The following INTS2 variants were observed in gnomAD, a reference collection of about 807,000 sequenced individuals.
INTS2 encodes the protein integrator complex subunit 2, also known as KIAA1287.
INTS2 carries 57 observed loss-of-function variants against 139.6 expected under a neutral mutation model. The ratio of observed to expected loss-of-function variants is 0.41; its 90% CI spans 0.33 to 0.51. The LOEUF (loss-of-function observed/expected upper bound fraction) is 0.51, where lower values mean the gene tolerates loss of function less well. Among genes scored for constraint, INTS2 ranks in the 20% least tolerant of loss-of-function variants. INTS2 has a pLI of 0.28. For synonymous variants in INTS2, 473 were observed against 493.4 expected (o/e 0.96, Z 0.55); for missense variants, 1,196 against 1,436.7 (o/e 0.83, Z 2.71).
At chr17:61,917,657 A>C (rs1603383189) in intron 5 of INTS2, among the ~76,000 whole-genome samples, 2 of 152,160 alleles carry the variant, frequency 1.3e-5, no homozygotes, top group South Asian at 4.1e-4. Context: ...AAGGGCTGAG[A>C]AACTACCTAT....
chr17:61,899,796 C>G (rs2079386245), intron 9 of INTS2, among the ~76,000 whole-genome samples: 1 of 151,504 alleles, frequency 6.6e-6, no homozygotes, highest in Non-Finnish European at 1.5e-5. Flanking sequence ...TTTGTAGTCC[C>G]AGCTACACGG....
At chr17:61,914,241 G>A (rs1347474139) in intron 5 of INTS2, among the ~76,000 whole-genome samples, 1 of 152,114 alleles carries the variant, frequency 6.6e-6, no homozygotes, top group Non-Finnish European at 1.5e-5. Flanking sequence ...TTCAGACAAA[G>A]TAGACTTGAA....
intron 7 of INTS2, 131 bp from the exon 8 acceptor site, chr17:61,907,765 A>C: frequency 1.5e-6 from 1 of 669,856 alleles, no homozygotes; most frequent in Non-Finnish European, 2.5e-6. Context: ...TGACTACAGA[A>C]TCTCATTTTA....
chr17:61,905,175 A>G (rs1207793612), intron 8 of INTS2, among the ~76,000 whole-genome samples: 1 of 151,978 alleles, frequency 6.6e-6, no homozygotes, highest in East Asian at 1.9e-4. Flanking sequence ...TCCTGGGCTC[A>G]AAAAATCCAC....
chr17:61,904,414 TA>T (rs753119608), intron 9 of INTS2, 45 bp downstream of exon 9: 1 of 1,394,704 alleles, frequency 7.2e-7, no homozygotes, highest in East Asian at 2.3e-5. Context: ...ATTGAGTAAA[TA>T]AAAGTAAACC....
rs8080599 is a variant in INTS2, at chr17:61,882,228, C to T, written c.2090-1057G>A. On this transcript the variant is annotated intron_variant, in intron 16 of 24. Coordinates refer to ENST00000251334, the MANE Select transcript of INTS2 (RefSeq NM_001351695.2). The surrounding 1 kb of genome is among the most constrained non-coding windows in gnomAD (Gnocchi z 4.7). Reference sequence around the variant, plus strand: ...AACAATGCTGAAAGACATTTATTAACATTAACAACCCTAAAGTCACACAGT... The same window carrying T: ...AACAATGCTGAAAGACATTTATTAATATTAACAACCCTAAAGTCACACAGT... Among the ~76,000 whole-genome samples, 25,530 of 152,140 alleles carry T rather than the reference C, an allele frequency of 0.17. 2,538 individuals are homozygous for T. Among genetic ancestry groups the T allele is most frequent in the East Asian group, 0.53 (2,726 of 5,174 alleles).
intron 12 of INTS2, among the ~76,000 whole-genome samples, chr17:61,894,839 T>TTA (rs1555623327): frequency 0.096 from 13,448 of 140,690 alleles, 2,016 homozygotes; most frequent in African/African-American, 0.32. Context: ...CAAAGTGAGA[T>TTA]AAAAAAAAAA....
At position 61,869,230 on chromosome 17, in the gene INTS2, G is replaced by T; in HGVS notation, c.3138+43C>A. The T allele has an allele frequency of 6.8e-7, 1 of 1,465,958 alleles. No individual in the cohort carries two copies. Among genetic ancestry groups the T allele is most frequent in the Non-Finnish European group, 9.5e-7 (1 of 1,053,992 alleles). 90.8% of individuals were successfully genotyped at this position (1,465,958 alleles called of 1,614,324 possible). A position where few individuals can be genotyped will look rare whatever the true frequency, so the allele number is the denominator to read the frequency against. On this transcript the variant is annotated intron_variant, in intron 22 of 24. Coordinates refer to ENST00000251334, the MANE Select transcript of INTS2 (RefSeq NM_001351695.2). This position sits in a 1 kb window ranked among gnomAD's most constrained non-coding sequence, Gnocchi z 5.4. ...ATGTTTTGTATAACTAGTAAGACTGGAGAGAGAGATCAATTGTCCTAAAGC... is the reference window on the plus strand; with the variant it reads ...ATGTTTTGTATAACTAGTAAGACTGTAGAGAGAGATCAATTGTCCTAAAGC...
Position 61,880,929 on chromosome 17 carries a change from T to C in INTS2, c.2254+78A>G, listed in dbSNP as rs73991951. On this transcript the variant is annotated intron_variant, in intron 17 of 24. Transcript: ENST00000251334. ...GTTATATCCATGGGAAAATTCTGTATGATTATAAGATTTCAATTAGCCTAG... is the reference window on the plus strand; with the variant it reads ...GTTATATCCATGGGAAAATTCTGTACGATTATAAGATTTCAATTAGCCTAG... 6.5e-3 allele frequency: 7,375 copies of C among 1,133,314 alleles called. 342 individuals are homozygous for C. In the African/African-American group the frequency reaches 0.1, roughly 15 times the overall value. The allele number at this position is 1,133,314 out of a possible 1,614,324, so 70.2% of individuals were successfully genotyped here. A position where few individuals can be genotyped will look rare whatever the true frequency, so the allele number is the denominator to read the frequency against.
At position 61,891,686 on chromosome 17, in the gene INTS2, A is replaced by C. The variant is rs960919951; in HGVS notation, c.1702T>G (p.Trp568Gly). The change falls in exon 14 of 25, where the codon TGG (tryptophan) becomes GGG (glycine). Residue 568 changes from tryptophan (W) to glycine (G), a missense_variant. Transcript: ENST00000251334. The stretch of plus-strand genomic sequence containing the variant: ...GTTTCACACAGCTGTCTATAAATCC[A>C]ATCCTAAGAAAGAATGTTATAGACA... ...FTKHKVSIKD[W>G]IYRQLCETST... The C allele has an allele frequency of 1.2e-6, 2 of 1,603,992 alleles. No individual in the cohort carries two copies. Among genetic ancestry groups the C allele is most frequent in the Non-Finnish European group, 1.7e-6 (2 of 1,175,488 alleles).
At position 61,897,276 on chromosome 17, in the gene INTS2, T is replaced by C. The variant is rs566470222; in HGVS notation, c.1494+193A>G. ...AGATATCTTTCCCTTTTCTGTGCTTTCCAAGGTTTTTGCATGAGTATCTAT... is the reference window on the plus strand; with the variant it reads ...AGATATCTTTCCCTTTTCTGTGCTTCCCAAGGTTTTTGCATGAGTATCTAT... On this transcript the variant is annotated intron_variant, in intron 11 of 24. Transcript: ENST00000251334. The surrounding 1 kb of genome is among the most constrained non-coding windows in gnomAD (Gnocchi z 4.4). Among the ~76,000 whole-genome samples the C allele has an allele frequency of 6.6e-6, 1 of 152,264 alleles. No homozygotes were observed. Among genetic ancestry groups the C allele is most frequent in the South Asian group, 2.1e-4 (1 of 4,828 alleles).
rs780708485 is a variant in INTS2, at chr17:61,881,007, C to T, written c.2254G>A (p.Ala752Thr). ...KNHSPKQLQE[A>T]FSAVPVNNTQ... is the part of the protein sequence containing the mutation. ...AAGGAGTATCAATAATTTACTATAC[C>T]TTCTTGGAGTTGTTTGGGAGAATGA... The change falls in exon 17 of 25, where the codon GCA (alanine) becomes ACA (threonine). Residue 752 changes from alanine (A) to threonine (T), a missense_variant and splice_region_variant. By Grantham distance (58) the Ala-to-Thr change is moderately conservative (BLOSUM62 0). Coordinates refer to ENST00000251334, the MANE Select transcript of INTS2 (RefSeq NM_001351695.2). The T allele has an allele frequency of 6.2e-7, 1 of 1,611,832 alleles. No homozygotes were observed. Among genetic ancestry groups the T allele is most frequent in the Non-Finnish European group, 8.5e-7 (1 of 1,178,188 alleles).
intron 11 of INTS2, among the ~76,000 whole-genome samples, chr17:61,895,798 T>C (rs898501005): frequency 4.0e-5 from 6 of 151,838 alleles, no homozygotes; most frequent in African/African-American, 1.5e-4. Context: ...TATCACACCA[T>C]ACACCAAAAG....
rs1427186611 is a variant in INTS2 at position 61,926,562 on chromosome 17, G to C, written c.83C>G (p.Ser28Cys). The change falls in exon 2 of 25, where the codon TCT becomes TGT. Residue 28 changes from serine to cysteine, a missense_variant. By Grantham distance (112) the Ser-to-Cys change is moderately radical. Transcript: ENST00000251334. ...AAGTCTTAATTCTGGATCACTTAAA[G>C]ATGCCAGGCAAACAACATCCACCTT... is the stretch of plus-strand genomic sequence containing the variant. ...MQKVDVVCLA[S>C]LSDPELRLLL... 1.2e-6 allele frequency: 2 copies of C among 1,613,390 alleles called. No homozygotes were observed. Among genetic ancestry groups the C allele is most frequent in the Admixed American group, 1.7e-5 (1 of 59,894 alleles).
At position 61,868,392 on chromosome 17, in the gene INTS2, C is replaced by A. The variant is rs1417248629; in HGVS notation, c.3245-383G>T. ...AGATTGAATTCAGGCAGTGTAAACT[C>A]TTAATCACTACAAATAATTATAACA... is the stretch of plus-strand genomic sequence containing the variant. On this transcript the variant is annotated intron_variant, in intron 23 of 24. Transcript: ENST00000251334. The surrounding 1 kb of genome is among the most constrained non-coding windows in gnomAD (Gnocchi z 4.7). 2.6e-5 allele frequency among the ~76,000 whole-genome samples: 4 copies of A among 151,892 alleles called. No individual in the cohort carries two copies. The highest frequency in any genetic ancestry group is 5.9e-5 in the Non-Finnish European group (4 of 67,934).
intron 13 of INTS2, among the ~76,000 whole-genome samples, chr17:61,892,457 C>T (rs1299616489): frequency 6.6e-6 from 1 of 152,060 alleles, no homozygotes; most frequent in East Asian, 1.9e-4. Flanking sequence ...GTCCTTATGA[C>T]AAATCAACAA....
chr17:61,917,029 GA>G (rs1302772373), intron 5 of INTS2, among the ~76,000 whole-genome samples: 1 of 151,532 alleles, frequency 6.6e-6, no homozygotes, highest in Non-Finnish European at 1.5e-5. Flanking sequence ...CAAAAAACAT[GA>G]AAAAAAATGC....
In INTS2 at chr17:61,872,348, T is replaced by C; in HGVS notation, c.2695A>G (p.Asn899Asp). Reference protein sequence around the residue: ...KETEQDRPSQNNTIGLVGQTD... With the variant: ...KETEQDRPSQDNTIGLVGQTD... ...TGTCCAACTAAACCAATTGTATTAT[T>C]CTGGGAAGGCCTATCTTGCTCTGTT... Residue 899 changes from asparagine (N) to aspartate (D), a missense_variant, in exon 20 of 25, where the codon AAT (asparagine) becomes GAT (aspartate). Physicochemically the swap from Asn to Asp is conservative, Grantham distance 23. Transcript: ENST00000251334. The surrounding 1 kb of genome is among the most constrained non-coding windows in gnomAD (Gnocchi z 4.8). 1 of 1,613,308 alleles carries C rather than the reference T, an allele frequency of 6.2e-7. No individual in the cohort carries two copies. The highest frequency in any genetic ancestry group is 8.5e-7 in the Non-Finnish European group (1 of 1,179,388).
At chr17:61,905,745 C>T (rs191653193) in intron 8 of INTS2, among the ~76,000 whole-genome samples, 5 of 152,088 alleles carry the variant, frequency 3.3e-5, no homozygotes, top group East Asian at 3.9e-4. Context: ...TTGCCCAGGC[C>T]GGACTGCAAT....
Sources: gnomAD v4.1 joint callset for allele counts (sites outside exome capture counted in the v4.1 genomes callset) on GRCh38, gnomAD v4.1.1 for gene constraint, Gnocchi (gnomAD v3.1) non-coding constraint, MANE v1.5 for transcripts, NCBI Gene and HGNC (gene_info 2026-07-23, HGNC 2026-07-21) for gene names.